DENND4C: variants seen among roughly 807,000 people sequenced by gnomAD.
The protein encoded by DENND4C is DENN domain containing 4C.
Under a neutral mutation model 203.0 loss-of-function variants are expected in DENND4C, and 108 were observed. That is an observed-to-expected ratio of 0.53 (90% confidence interval 0.46 to 0.62). The LOEUF (loss-of-function observed/expected upper bound fraction) is 0.62. DENND4C is among the 20% of genes least tolerant of loss of function. DENND4C has a pLI of 0.00. For missense variants in DENND4C, 2,481 were observed against 2,301.2 expected (o/e 1.08, Z -1.60); for synonymous variants, 871 against 792.4 (o/e 1.10, Z -1.67).
intron 1 of DENND4C, among the ~76,000 whole-genome samples, chr9:19,236,735 C>G (rs918150273): frequency 1.3e-5 from 2 of 152,264 alleles, no homozygotes; most frequent in African/African-American, 2.4e-5. Context: ...ACAAACATTT[C>G]CTGTGGCCCA....
intron 2 of DENND4C, among the ~76,000 whole-genome samples, chr9:19,278,245 C>T (rs1434807913): frequency 1.3e-5 from 2 of 152,028 alleles, no homozygotes; most frequent in African/African-American, 4.8e-5. Flanking sequence ...AAGTGATTCT[C>T]CTGCCTCAGC....
intron 1 of DENND4C, among the ~76,000 whole-genome samples, chr9:19,245,885 A>G (rs1825118609): frequency 6.6e-6 from 1 of 151,926 alleles, no homozygotes; most frequent in Non-Finnish European, 1.5e-5. Flanking sequence ...GTAAGCATCT[A>G]ACTCTGACCT....
chr9:19,312,736 T>A (rs933537541), intron 10 of DENND4C, among the ~76,000 whole-genome samples: 1 of 152,218 alleles, frequency 6.6e-6, no homozygotes, highest in Non-Finnish European at 1.5e-5. Context: ...ATTAAGGCTG[T>A]GTTATGAGGG....
chr9:19,291,248 A>G (rs1031231413), intron 5 of DENND4C: 1 of 159,504 alleles, frequency 6.3e-6, no homozygotes, highest in African/African-American at 2.4e-5. Flanking sequence ...AGGATGTTAT[A>G]AATTAAAATA....
chr9:19,345,867 T>A, intron 22 of DENND4C, 54 bp from the exon 23 acceptor site: 7 of 1,424,526 alleles, frequency 4.9e-6, no homozygotes, highest in Non-Finnish European at 6.6e-6. Flanking sequence ...AATATTTTAA[T>A]AAAAGTTAAC....
At chr9:19,329,652 T>A (rs1818639844) in intron 16 of DENND4C, among the ~76,000 whole-genome samples, 1 of 152,256 alleles carries the variant, frequency 6.6e-6, no homozygotes, top group Non-Finnish European at 1.5e-5. Context: ...TGCTCCACTT[T>A]ACATTCCCAC....
At chr9:19,330,589 C>T (rs895605708) in intron 16 of DENND4C, among the ~76,000 whole-genome samples, 7 of 151,872 alleles carry the variant, frequency 4.6e-5, no homozygotes, top group African/African-American at 1.5e-4. Flanking sequence ...CCACCTGCCT[C>T]GGCCTCCCAA....
chr9:19,278,281 G>A (rs57156515), intron 2 of DENND4C, among the ~76,000 whole-genome samples: 4,196 of 151,968 alleles, frequency 0.028, 183 homozygotes, highest in African/African-American at 0.093. Flanking sequence ...GATTACAGGC[G>A]TGCACCACTA....
In DENND4C at chr9:19,352,093, G is replaced by A; in HGVS notation, c.4516G>A (p.Gly1506Ser). 1 of 1,613,670 alleles carries A rather than the reference G, an allele frequency of 6.2e-7. No homozygotes were observed. The highest frequency in any genetic ancestry group is 1.1e-5 in the South Asian group (1 of 91,070). The change falls in exon 25 of 33, where the codon GGC becomes AGC. Residue 1506 changes from glycine to serine, a missense_variant. Coordinates refer to ENST00000434457, the MANE Select transcript of DENND4C (RefSeq NM_001330640.2). ...YPTGEVPFPR[G>S]MKGQDFEKSD... Reference sequence around the variant, plus strand: ...TGTAGGTGAAGTTCCATTTCCAAGAGGCATGAAAGGGCAAGACTTTGAAAA... The same window carrying A: ...TGTAGGTGAAGTTCCATTTCCAAGAAGCATGAAAGGGCAAGACTTTGAAAA...
intron 12 of DENND4C, among the ~76,000 whole-genome samples, chr9:19,317,423 C>T (rs1027554336): frequency 1.3e-5 from 2 of 151,878 alleles, no homozygotes; most frequent in Admixed American, 6.6e-5. Context: ...AACGTATACT[C>T]GTTATTTTTA....
chr9:19,371,730 A>C, intron 31 of DENND4C, 26 bp from the exon 32 acceptor site: 1 of 1,227,060 alleles, frequency 8.1e-7, no homozygotes, highest in Non-Finnish European at 1.2e-6. Context: ...TTGCCCATTG[A>C]CTTTTAAAAC....
rs1300211840 is a variant in DENND4C, at chr9:19,276,301, A to G, written c.127A>G (p.Ile43Val). 4.1e-6 allele frequency: 5 copies of G among 1,231,998 alleles called. No homozygotes were observed. In the African/African-American group the frequency reaches 4.7e-5, roughly 11 times the overall value. 76.3% of individuals were successfully genotyped at this position (1,231,998 alleles called of 1,614,324 possible). The part of the protein sequence containing the change: ...DTKSTGPKAP[I>V]TDIAIIIKSA... ...TAAGTCAACTGGACCTAAAGCTCCAATTACAGACATTGCCATTATTATCAA... is the reference window on the plus strand; with the variant it reads ...TAAGTCAACTGGACCTAAAGCTCCAGTTACAGACATTGCCATTATTATCAA... The change falls in exon 2 of 33, where the codon ATT becomes GTT. Residue 43 changes from isoleucine (I) to valine (V), a missense_variant. Around this residue, in one of 3 missense-constraint regions of DENND4C, gnomAD observed 187 missense variants for 167.4 expected, o/e 1.12. Coordinates refer to ENST00000434457, the MANE Select transcript of DENND4C (RefSeq NM_001330640.2).
At chr9:19,307,413 A>AG (rs1839904566) in intron 10 of DENND4C, among the ~76,000 whole-genome samples, 2 of 149,424 alleles carry the variant, frequency 1.3e-5, no homozygotes, top group South Asian at 2.1e-4. Context: ...AAAAAAAAAA[A>AG]GAAGAAATAC....
chr9:19,255,992 C>G (rs1329778776), intron 1 of DENND4C, among the ~76,000 whole-genome samples: 4 of 151,768 alleles, frequency 2.6e-5, no homozygotes, highest in African/African-American at 7.3e-5. Context: ...AATCCCAGCA[C>G]TTTGGGAGGC....
intron 5 of DENND4C, among the ~76,000 whole-genome samples, chr9:19,293,771 C>T (rs557507152): frequency 3.7e-4 from 56 of 152,292 alleles, no homozygotes; most frequent in African/African-American, 1.3e-3. Flanking sequence ...AGCATCATGC[C>T]ACTTACACGG....
chr9:19,349,017 G>C (rs1301679203), intron 23 of DENND4C, among the ~76,000 whole-genome samples: 2 of 152,090 alleles, frequency 1.3e-5, no homozygotes, highest in African/African-American at 4.8e-5. Context: ...TGTTGCCCAA[G>C]CTGGTCTTGG....
chr9:19,264,583 A>G (rs755053075), intron 1 of DENND4C, among the ~76,000 whole-genome samples: 2 of 152,208 alleles, frequency 1.3e-5, no homozygotes, highest in Non-Finnish European at 2.9e-5. Flanking sequence ...CTGGGATTAC[A>G]GGCGTTAGCC....
At chr9:19,354,261 C>T (rs10121879) in intron 26 of DENND4C, among the ~76,000 whole-genome samples, 20,926 of 152,126 alleles carry the variant, frequency 0.14, 2,067 homozygotes, top group African/African-American at 0.27. Flanking sequence ...ACAAACACCA[C>T]GGTAGTAATG....
At chr9:19,232,015 T>A (rs1358570971) in intron 1 of DENND4C, among the ~76,000 whole-genome samples, 1 of 152,214 alleles carries the variant, frequency 6.6e-6, no homozygotes, top group Non-Finnish European at 1.5e-5. Context: ...TGTATGATTT[T>A]TCTGTGTACA....
Sources: gnomAD v4.1 joint callset for allele counts (sites outside exome capture counted in the v4.1 genomes callset) on GRCh38, gnomAD v4.1.1 for gene constraint, gnomAD v4.1.1 regional missense constraint, MANE v1.5 for transcripts, NCBI Gene and HGNC (gene_info 2026-07-23, HGNC 2026-07-21) for gene names.